CYP4V2: variants seen among roughly 807,000 people sequenced by gnomAD.
CYP4V2 encodes the protein cytochrome P450 4V2.
In CYP4V2, 55 loss-of-function variants were observed where a neutral mutation model predicts 60.8. That is an observed-to-expected ratio of 0.90 (90% CI 0.73 to 1.13). The LOEUF (loss-of-function observed/expected upper bound fraction) is 1.13. CYP4V2 is among the 50% of genes most tolerant of loss of function. The pLI is 0.00. For synonymous variants in CYP4V2, 239 were observed against 236.8 expected, an observed-to-expected ratio of 1.01 and a Z score of -0.08; for missense variants, 675 against 662.9, an observed-to-expected ratio of 1.02 and a Z score of -0.20.
Position 186,191,986 on chromosome 4 carries a change from C to G in CYP4V2, c.163C>G (p.Arg55Gly). 6.3e-7 allele frequency: 1 copy of G among 1,584,840 alleles called. No individual in the cohort carries two copies. The highest frequency in any genetic ancestry group is 8.5e-7 in the Non-Finnish European group (1 of 1,170,104). Residue 55 changes from arginine to glycine, a missense_variant, in exon 1 of 11, where the codon CGC becomes GGC. By Grantham distance (125) the Arg-to-Gly change is moderately radical (BLOSUM62 -2). Transcript: ENST00000378802. ...QQMRPIPTVA[R>G]AYPLVGHALL... The stretch of plus-strand genomic sequence containing the variant: ...GATGCGGCCCATCCCCACGGTGGCC[C>G]GCGCCTACCCACTGGTGGGCCACGC...
intron 3 of CYP4V2, 67 bp from the exon 4 acceptor site, chr4:186,196,873 G>A: frequency 6.6e-7 from 1 of 1,512,072 alleles, no homozygotes; most frequent in Non-Finnish European, 9.0e-7. Flanking sequence ...CGTTTTGGAT[G>A]TTACTTTTCT....
chr4:186,191,629 G>A lies in CYP4V2; in HGVS notation c.-195G>A, dbSNP rs13133627. ...TGCTGCGTAGGCCGGGCCGGGCGCA[G>A]GAACAGCCCCGTGGCGCCCTCTCTG... On this transcript the variant is annotated 5_prime_UTR_variant, in exon 1 of 11. Transcript: ENST00000378802. 1 of 389,478 alleles carries A rather than the reference G, an allele frequency of 2.6e-6. No individual in the cohort carries two copies. Among genetic ancestry groups the A allele is most frequent in the Non-Finnish European group, 4.3e-6 (1 of 234,216 alleles). The allele number at this position is 389,478 out of a possible 1,614,324, so 24.1% of individuals were successfully genotyped here.
In CYP4V2 at chr4:186,197,121, A is replaced by G. The variant is rs747545322; in HGVS notation, c.595A>G (p.Ile199Val). The G allele has an allele frequency of 3.7e-6, 6 of 1,613,832 alleles. No homozygotes were observed. The highest frequency in any genetic ancestry group is 5.1e-6 in the Non-Finnish European group (6 of 1,180,000). ...FFYITLCALDIICETAMGKNI... is the reference protein window; with the variant it reads ...FFYITLCALDVICETAMGKNI... ...TTACATCACTCTTTGTGCCTTAGAT[A>G]TCATCTGTGGTGAGTCTCATCGATC... Residue 199 changes from isoleucine to valine, a missense_variant, in exon 4 of 11, where the codon ATC becomes GTC. Ile to Val is a conservative substitution (Grantham distance 29). Transcript: ENST00000378802.
In CYP4V2 at chr4:186,191,989, G is replaced by T; in HGVS notation, c.166G>T (p.Ala56Ser). 1 of 1,584,890 alleles carries T rather than the reference G, an allele frequency of 6.3e-7. No individual in the cohort carries two copies. Residue 56 changes from alanine to serine, a missense_variant, in exon 1 of 11, where the codon GCC becomes TCC. Physicochemically the swap from Ala to Ser is moderately conservative, Grantham distance 99. Transcript: ENST00000378802. The stretch of plus-strand genomic sequence containing the variant: ...GCGGCCCATCCCCACGGTGGCCCGC[G>T]CCTACCCACTGGTGGGCCACGCGCT... Reference protein sequence around the residue: ...QMRPIPTVARAYPLVGHALLM... With the variant: ...QMRPIPTVARSYPLVGHALLM...
At position 186,195,932 on chromosome 4, in the gene CYP4V2, A is replaced by G; in HGVS notation, c.328-71A>G. ...CCTAAAAACTAGCTGTATTCTAGCCAGTATTCCTATAATTACAGGAAGGTT... is the reference window on the plus strand; with the variant it reads ...CCTAAAAACTAGCTGTATTCTAGCCGGTATTCCTATAATTACAGGAAGGTT... On this transcript the variant is annotated intron_variant, in intron 2 of 10. Transcript: ENST00000378802. This position sits in a 1 kb window ranked among gnomAD's most constrained non-coding sequence, Gnocchi z 4.1. 3 of 1,089,834 alleles carry G rather than the reference A, an allele frequency of 2.8e-6. No homozygotes were observed. Among genetic ancestry groups the G allele is most frequent in the Non-Finnish European group, 4.2e-6 (3 of 711,942 alleles). The allele number at this position is 1,089,834 out of a possible 1,614,324, so 67.5% of individuals were successfully genotyped here.
At chr4:186,206,228 CATGT>C (rs1736498307) in intron 8 of CYP4V2, among the ~76,000 whole-genome samples, 1 of 151,900 alleles carries the variant, frequency 6.6e-6, no homozygotes. Flanking sequence ...TGTGTGTGTG[CATGT>C]GTGTGCTTGT....
In CYP4V2 at chr4:186,191,796, G is replaced by A. The variant is rs1234709359; in HGVS notation, c.-28G>A. On this transcript the variant is annotated 5_prime_UTR_variant, in exon 1 of 11. It adds an upstream start codon to the 5' untranslated region. Transcript: ENST00000378802. ...CCCCGCGGGCCCGCACTTTCCCGGA[G>A]TGCACCCCGCGGCCGCCAGCCGGGG... is the stretch of plus-strand genomic sequence containing the variant. 1 of 1,510,888 alleles carries A rather than the reference G, an allele frequency of 6.6e-7. No individual in the cohort carries two copies. The highest frequency in any genetic ancestry group is 1.3e-5 in the South Asian group (1 of 79,138). 93.6% of individuals were successfully genotyped at this position (1,510,888 alleles called of 1,614,324 possible). A position where few individuals can be genotyped will look rare whatever the true frequency, so the allele number is the denominator to read the frequency against.
At chr4:186,199,655 G>A (rs1241156429) in intron 6 of CYP4V2, among the ~76,000 whole-genome samples, 2 of 152,282 alleles carry the variant, frequency 1.3e-5, no homozygotes, top group African/African-American at 2.4e-5. Flanking sequence ...CAAAGGCAGA[G>A]GGCATTGATA....
chr4:186,209,626 C>A (rs554452349), intron 10 of CYP4V2, among the ~76,000 whole-genome samples: 24 of 152,154 alleles, frequency 1.6e-4, no homozygotes, highest in Admixed American at 6.5e-5. Flanking sequence ...GCCATTTTCT[C>A]CTTATGTCTT....
chr4:186,205,238 A>G lies in CYP4V2; in HGVS notation c.1026A>G (p.Leu342=). ...CTGCAGCTGCAATAAACTGGTCCTT[A>G]TACCTGTTGGGTTCTAACCCAGAAG... ...DTTAAAINWS[L]YLLGSNPEVQ... The change falls in exon 8 of 11, where the codon TTA becomes TTG. Residue 342 remains leucine (L), a synonymous_variant. Coordinates refer to ENST00000378802, the MANE Select transcript of CYP4V2 (RefSeq NM_207352.4). 1 of 1,614,238 alleles carries G rather than the reference A, an allele frequency of 6.2e-7. No individual in the cohort carries two copies. The highest frequency in any genetic ancestry group is 1.1e-5 in the South Asian group (1 of 91,090).
intron 2 of CYP4V2, among the ~76,000 whole-genome samples, chr4:186,194,843 A>G (rs1736103250): frequency 6.6e-6 from 1 of 152,186 alleles, no homozygotes; most frequent in African/African-American, 2.4e-5. Flanking sequence ...GTCCCTTTAT[A>G]TTTATTCTTT....
At chr4:186,193,954 C>G (rs1736066897) in intron 1 of CYP4V2, among the ~76,000 whole-genome samples, 1 of 152,214 alleles carries the variant, frequency 6.6e-6, no homozygotes, top group Non-Finnish European at 1.5e-5. Context: ...AGCTGTTGGA[C>G]CTGCTGCCTT....
chr4:186,193,401 G>GACAA (rs1341991032), intron 1 of CYP4V2, among the ~76,000 whole-genome samples: 3 of 152,196 alleles, frequency 2.0e-5, no homozygotes, highest in African/African-American at 7.2e-5. Context: ...CTTTCAGAGT[G>GACAA]AAGACAATGA....
intron 3 of CYP4V2, 39 bp downstream of exon 3, chr4:186,196,127 G>C: frequency 6.5e-7 from 1 of 1,526,778 alleles, no homozygotes; most frequent in East Asian, 2.2e-5. Flanking sequence ...CTATAGAAAT[G>C]GTTACTTCTA....
chr4:186,197,330 C>A, intron 4 of CYP4V2, 200 bp downstream of exon 4: 2 of 846,280 alleles, frequency 2.4e-6, no homozygotes, highest in South Asian at 1.5e-5. Context: ...GGAGCAACTG[C>A]CCAGGGAGGC....
chr4:186,191,955 G>A lies in CYP4V2; in HGVS notation c.132G>A (p.Trp44Ter). The A allele has an allele frequency of 1.3e-6, 2 of 1,588,258 alleles. No individual in the cohort carries two copies. Among genetic ancestry groups the A allele is most frequent in the Non-Finnish European group, 1.7e-6 (2 of 1,171,030 alleles). The change falls in exon 1 of 11, where the codon TGG becomes TGA. Residue 44 changes from tryptophan to a stop codon, truncating the protein, a stop_gained. Transcript: ENST00000378802. LOFTEE classifies it high-confidence loss of function. ...GGGTGGCGAGCTACGCGCGGAAATG[G>A]CAGCAGATGCGGCCCATCCCCACGG... ...LQRVASYARK[W>*]QQMRPIPTVA...
At position 186,213,240 on chromosome 4, in the gene CYP4V2, G is replaced by C. The variant is rs1363696327; in HGVS notation, c.*2599G>C. On this transcript the variant is annotated 3_prime_UTR_variant, in exon 11 of 11. Coordinates refer to ENST00000378802, the MANE Select transcript of CYP4V2 (RefSeq NM_207352.4). ...TTCATATGCTACAGTATTGAAATGT[G>C]GATGCTGCCTTGTTTTATAAGAAGA... is the stretch of plus-strand genomic sequence containing the variant. 6.6e-6 allele frequency: 1 copy of C among 152,220 alleles called. No individual in the cohort carries two copies. Among genetic ancestry groups the C allele is most frequent in the African/African-American group, 2.4e-5 (1 of 41,450 alleles). The allele number at this position is 152,220 out of a possible 1,614,324, so 9.4% of individuals were successfully genotyped here.
Position 186,210,558 on chromosome 4 carries a change from C to T in CYP4V2, c.1495C>T (p.Leu499Phe), listed in dbSNP as rs761881255. The T allele has an allele frequency of 6.2e-6, 10 of 1,614,032 alleles. No individual in the cohort carries two copies. Among genetic ancestry groups the T allele is most frequent in the East Asian group, 2.2e-5 (1 of 44,876 alleles). ...WIESNQKREE[L>F]GLEGQLILRP... is the part of the protein sequence containing the mutation. ...AGAATCCAACCAGAAAAGAGAAGAG[C>T]TTGGTCTAGAAGGACAGTTGATTCT... is the stretch of plus-strand genomic sequence containing the variant. The change falls in exon 11 of 11, where the codon CTT becomes TTT. Residue 499 changes from leucine (L) to phenylalanine (F), a missense_variant. Transcript: ENST00000378802.
chr4:186,198,109 A>G (rs72646264), intron 5 of CYP4V2, among the ~76,000 whole-genome samples: 3,590 of 152,272 alleles, frequency 0.024, 146 homozygotes, highest in African/African-American at 0.083. Flanking sequence ...ATTGCTTGCA[A>G]TTATTCACCT....
Sources: allele counts gnomAD v4.1 joint callset (sites outside exome capture counted in the v4.1 genomes callset), GRCh38; gene constraint gnomAD v4.1.1; non-coding constraint Gnocchi (gnomAD v3.1); transcripts MANE v1.5; gene names NCBI Gene and HGNC (gene_info 2026-07-23, HGNC 2026-07-21).